ST3GAL4: variants seen among roughly 807,000 people sequenced by gnomAD.
ST3GAL4 encodes the protein ST3 beta-galactoside alpha-2,3-sialyltransferase 4, also known as CMP-N-acetylneuraminate-beta-galactosamide-alpha-2,3-sialyltransferase 4.
ST3GAL4 carries 24 observed loss-of-function variants against 42.6 expected under a neutral mutation model. The observed-to-expected ratio is 0.56, with a 90% CI of 0.41 to 0.79. The LOEUF (loss-of-function observed/expected upper bound fraction) is 0.79, where lower values mean the gene tolerates loss of function less well. Ranked by LOEUF, ST3GAL4 falls within the 30% of genes least tolerant of loss-of-function variation. The pLI, the probability that ST3GAL4 is intolerant of heterozygous loss-of-function variation, is 0.00. For synonymous variants in ST3GAL4, 135 were observed against 163.2 expected (o/e 0.83, Z 1.32); for missense variants, 311 against 430.8 (o/e 0.72, Z 2.46).
rs1363863636 is a variant in ST3GAL4, at chr11:126,410,658, T to A, written c.771+1247T>A. ...TTACTGAACATTTCCTGTTATTCCATGTTCTGTGTTGAATGGCTGCTTTTG... is the reference window on the plus strand; with the variant it reads ...TTACTGAACATTTCCTGTTATTCCAAGTTCTGTGTTGAATGGCTGCTTTTG... On this transcript the variant is annotated intron_variant, in intron 9 of 10. Coordinates refer to ENST00000444328, the MANE Select transcript of ST3GAL4 (RefSeq NM_001254757.2). This position sits in a 1 kb window ranked among gnomAD's most constrained non-coding sequence, Gnocchi z 5.3. Among the ~76,000 whole-genome samples, 1 of 152,222 alleles carries A rather than the reference T, an allele frequency of 6.6e-6. No homozygotes were observed. The highest frequency in any genetic ancestry group is 1.9e-4 in the East Asian group (1 of 5,196).
chr11:126,384,641 G>A lies in ST3GAL4; in HGVS notation c.-60-21455G>A, dbSNP rs991003848. On this transcript the variant is annotated intron_variant, in intron 1 of 10. Transcript: ENST00000444328. This position sits in a 1 kb window ranked among gnomAD's most constrained non-coding sequence, Gnocchi z 5.5. Reference sequence around the variant, plus strand: ...CAGGGCCTGGCACCAACTCCAGGATGTGCTACACCCAGACAGACAGATGGA... The same window carrying A: ...CAGGGCCTGGCACCAACTCCAGGATATGCTACACCCAGACAGACAGATGGA... 4.1e-6 allele frequency: 4 copies of A among 981,708 alleles called. No individual in the cohort carries two copies. In the African/African-American group the frequency reaches 5.3e-5, roughly 13 times the overall value. The allele number at this position is 981,708 out of a possible 1,614,324, so 60.8% of individuals were successfully genotyped here.
At chr11:126,358,504 G>A (rs1591405245) in intron 1 of ST3GAL4, 1 of 454,634 alleles carries the variant, frequency 2.2e-6, no homozygotes, top group East Asian at 7.0e-5. Context: ...CACATTTCGG[G>A]GAGGGAGGTG....
Position 126,414,358 on chromosome 11 carries a change from G to A in ST3GAL4, c.*311G>A, listed in dbSNP as rs1954651341. 5.1e-6 allele frequency: 2 copies of A among 389,416 alleles called. No individual in the cohort carries two copies. Among genetic ancestry groups the A allele is most frequent in the South Asian group, 2.9e-5 (1 of 34,902 alleles). The allele number at this position is 389,416 out of a possible 1,614,324, so 24.1% of individuals were successfully genotyped here. ...GGGCTATTTAATTAAGGGGTAGGAAGGTGCTGTGGGCTGGTCCCACACATC... is the reference window on the plus strand; with the variant it reads ...GGGCTATTTAATTAAGGGGTAGGAAAGTGCTGTGGGCTGGTCCCACACATC... On this transcript the variant is annotated 3_prime_UTR_variant, in exon 11 of 11. Coordinates refer to ENST00000444328, the MANE Select transcript of ST3GAL4 (RefSeq NM_001254757.2).
rs1954299657 is a variant in ST3GAL4 at position 126,407,579 on chromosome 11, C to A, written c.286C>A (p.Leu96Met). Residue 96 changes from leucine (L) to methionine (M), a missense_variant, in exon 6 of 11, where the codon CTG becomes ATG. By Grantham distance (15) the Leu-to-Met change is conservative (BLOSUM62 2). Coordinates refer to ENST00000444328, the MANE Select transcript of ST3GAL4 (RefSeq NM_001254757.2). ...LPYGTKGSED[L>M]LLRVLAITSS... ...CCGCCTGGTACTTTTTGTAGAGGAT[C>A]TGCTCCTCCGGGTGCTAGCCATCAC... 6.2e-7 allele frequency: 1 copy of A among 1,614,042 alleles called. No homozygotes were observed. The highest frequency in any genetic ancestry group is 8.5e-7 in the Non-Finnish European group (1 of 1,180,030).
At chr11:126,412,251 T>A (rs1270882357) in intron 9 of ST3GAL4, among the ~76,000 whole-genome samples, 1 of 151,852 alleles carries the variant, frequency 6.6e-6, no homozygotes, top group East Asian at 1.9e-4. Context: ...AACACACTGG[T>A]GGTGAAAGCA....
chr11:126,413,819 G>A (rs1954631795), intron 10 of ST3GAL4, 142 bp from the exon 11 acceptor site: 1 of 1,384,966 alleles, frequency 7.2e-7, no homozygotes, highest in African/African-American at 1.4e-5. Flanking sequence ...CAGCCACATG[G>A]GCTTTGTCTT....
At position 126,383,763 on chromosome 11, in the gene ST3GAL4, G is replaced by T. The variant is rs1953104085; in HGVS notation, c.-60-22333G>T. Among the ~76,000 whole-genome samples the T allele has an allele frequency of 6.6e-6, 1 of 152,162 alleles. No individual in the cohort carries two copies. The highest frequency in any genetic ancestry group is 1.5e-5 in the Non-Finnish European group (1 of 68,010). Reference sequence around the variant, plus strand: ...TCTGAGTGTGGATGCAGCTGGGCCTGTTCAGGCAGATTCACCAGAGGGGCT... The same window carrying T: ...TCTGAGTGTGGATGCAGCTGGGCCTTTTCAGGCAGATTCACCAGAGGGGCT... On this transcript the variant is annotated intron_variant, in intron 1 of 10. Coordinates refer to ENST00000444328, the MANE Select transcript of ST3GAL4 (RefSeq NM_001254757.2). This position sits in a 1 kb window ranked among gnomAD's most constrained non-coding sequence, Gnocchi z 4.5.
At position 126,396,972 on chromosome 11, in the gene ST3GAL4, G is replaced by A. The variant is rs1213091039; in HGVS notation, c.-60-9124G>A. Among the ~76,000 whole-genome samples the A allele has an allele frequency of 6.6e-6, 1 of 152,076 alleles. No individual in the cohort carries two copies. The highest frequency in any genetic ancestry group is 1.5e-5 in the Non-Finnish European group (1 of 68,034). ...AAACACTTTGTCACACCTGAGAAGAGGGATTTCCTACTGGTGTCTAGTAGG... is the reference window on the plus strand; with the variant it reads ...AAACACTTTGTCACACCTGAGAAGAAGGATTTCCTACTGGTGTCTAGTAGG... On this transcript the variant is annotated intron_variant, in intron 1 of 10. Coordinates refer to ENST00000444328, the MANE Select transcript of ST3GAL4 (RefSeq NM_001254757.2). This position sits in a 1 kb window ranked among gnomAD's most constrained non-coding sequence, Gnocchi z 5.8.
In ST3GAL4 at chr11:126,366,602, C is replaced by T. The variant is rs1375815951; in HGVS notation, c.-61+10760C>T. Among the ~76,000 whole-genome samples, 4 of 152,256 alleles carry T rather than the reference C, an allele frequency of 2.6e-5. No individual in the cohort carries two copies. Among genetic ancestry groups the T allele is most frequent in the African/African-American group, 7.2e-5 (3 of 41,532 alleles). On this transcript the variant is annotated intron_variant, in intron 1 of 10. Transcript: ENST00000444328. This position sits in a 1 kb window ranked among gnomAD's most constrained non-coding sequence, Gnocchi z 4.2. ...CCGTGTGCAGGGCCCTCCCCTCTGG[C>T]GAGTCTGCCTCTCACTCGCTCAGCC... is the stretch of plus-strand genomic sequence containing the variant.
chr11:126,381,030 C>T (rs979229020), intron 1 of ST3GAL4, among the ~76,000 whole-genome samples: 5 of 152,230 alleles, frequency 3.3e-5, no homozygotes, highest in African/African-American at 1.2e-4. Flanking sequence ...CTTGCATAGA[C>T]AAGAACATGG....
rs1175051087 is a variant in ST3GAL4, at chr11:126,393,655, A to G, written c.-60-12441A>G. ...CTTAATAAACTCTCCTGGTGCTTCC[A>G]GTAGGCACTTGAGGGTGGACACCAC... is the stretch of plus-strand genomic sequence containing the variant. On this transcript the variant is annotated intron_variant, in intron 1 of 10. Coordinates refer to ENST00000444328, the MANE Select transcript of ST3GAL4 (RefSeq NM_001254757.2). This position sits in a 1 kb window ranked among gnomAD's most constrained non-coding sequence, Gnocchi z 5.9. Among the ~76,000 whole-genome samples the G allele has an allele frequency of 6.6e-6, 1 of 152,198 alleles. No individual in the cohort carries two copies. The highest frequency in any genetic ancestry group is 1.5e-5 in the Non-Finnish European group (1 of 68,026).
intron 9 of ST3GAL4, among the ~76,000 whole-genome samples, chr11:126,412,047 G>A (rs934799645): frequency 6.6e-6 from 1 of 152,088 alleles, no homozygotes; most frequent in Admixed American, 6.6e-5. Context: ...TTTTACAGGT[G>A]GAATTGAGAG....
In ST3GAL4 at chr11:126,379,530, T is replaced by C. The variant is rs1322790249; in HGVS notation, c.-61+23688T>C. ...TTCTCTCTTGTTGCCCAGGCTGCAG[T>C]GCAGTGGCACGATCTTGGCTCACTG... On this transcript the variant is annotated intron_variant, in intron 1 of 10. Coordinates refer to ENST00000444328, the MANE Select transcript of ST3GAL4 (RefSeq NM_001254757.2). The surrounding 1 kb of genome is among the most constrained non-coding windows in gnomAD (Gnocchi z 4.2). 6.6e-6 allele frequency among the ~76,000 whole-genome samples: 1 copy of C among 152,142 alleles called. No homozygotes were observed. The highest frequency in any genetic ancestry group is 2.4e-5 in the African/African-American group (1 of 41,422).
chr11:126,388,046 T>G (rs1001610935), intron 1 of ST3GAL4, among the ~76,000 whole-genome samples: 1 of 152,220 alleles, frequency 6.6e-6, no homozygotes, highest in Admixed American at 6.5e-5. Flanking sequence ...CTAGAAAAAG[T>G]GCTGTTGAAG....
At chr11:126,381,909 G>A (rs1953019959) in intron 1 of ST3GAL4, among the ~76,000 whole-genome samples, 1 of 151,076 alleles carries the variant, frequency 6.6e-6, no homozygotes, top group South Asian at 2.1e-4. Flanking sequence ...CACTCCTCTT[G>A]TGCTCAGGAG....
rs1591419278 is a variant in ST3GAL4, at chr11:126,366,518, A to C, written c.-61+10676A>C. Among the ~76,000 whole-genome samples the C allele has an allele frequency of 1.3e-5, 2 of 151,544 alleles. No individual in the cohort carries two copies. Among genetic ancestry groups the C allele is most frequent in the South Asian group, 4.2e-4 (2 of 4,806 alleles). On this transcript the variant is annotated intron_variant, in intron 1 of 10. Transcript: ENST00000444328. This position sits in a 1 kb window ranked among gnomAD's most constrained non-coding sequence, Gnocchi z 4.2. The stretch of plus-strand genomic sequence containing the variant: ...GGGAGGGGTGGGGCTTGCTTTCCTC[A>C]CCCCGCTTCCCACGTCTTCATTGAG...
In ST3GAL4 at chr11:126,413,471, C is replaced by A. The variant is rs372583582; in HGVS notation, c.772-34C>A. 7.5e-6 allele frequency: 12 copies of A among 1,609,844 alleles called. No individual in the cohort carries two copies. In the South Asian group the frequency reaches 1.2e-4, roughly 16 times the overall value. ...AGAGATGATGGTGGGAGGAGCAGGGCTCCCACTAACACCCTCCTGCCCCTG... is the reference window on the plus strand; with the variant it reads ...AGAGATGATGGTGGGAGGAGCAGGGATCCCACTAACACCCTCCTGCCCCTG... On this transcript the variant is annotated intron_variant, in intron 9 of 10. Coordinates refer to ENST00000444328, the MANE Select transcript of ST3GAL4 (RefSeq NM_001254757.2).
intron 1 of ST3GAL4, among the ~76,000 whole-genome samples, chr11:126,370,888 G>A (rs754048006): frequency 6.6e-6 from 1 of 151,996 alleles, no homozygotes; most frequent in African/African-American, 2.4e-5. Flanking sequence ...GGCAGGTCTC[G>A]AGCTCCTGAA....
Position 126,396,635 on chromosome 11 carries a change from C to T in ST3GAL4, c.-60-9461C>T, listed in dbSNP as rs1003784157. ...TTGGATGTGCTTGAGACCCCTTCCC[C>T]TAATTGCTGTGTAGGGCAGGGGTGG... On this transcript the variant is annotated intron_variant, in intron 1 of 10. Coordinates refer to ENST00000444328, the MANE Select transcript of ST3GAL4 (RefSeq NM_001254757.2). The surrounding 1 kb of genome is among the most constrained non-coding windows in gnomAD (Gnocchi z 5.8). Among the ~76,000 whole-genome samples the T allele has an allele frequency of 2.0e-5, 3 of 151,850 alleles. No individual in the cohort carries two copies. The highest frequency in any genetic ancestry group is 2.9e-5 in the Non-Finnish European group (2 of 67,992).
Sources: gnomAD v4.1 joint callset for allele counts (sites outside exome capture counted in the v4.1 genomes callset) on GRCh38, gnomAD v4.1.1 for gene constraint, Gnocchi (gnomAD v3.1) non-coding constraint, MANE v1.5 for transcripts, NCBI Gene and HGNC (gene_info 2026-07-23, HGNC 2026-07-21) for gene names.